The following CHST11 variants were observed in gnomAD, a reference collection of about 807,000 sequenced individuals.
CHST11 encodes the protein carbohydrate sulfotransferase 11, also known as C4S-1.
CHST11 carries 9 observed loss-of-function variants against 30.4 expected under a neutral mutation model. The observed-to-expected ratio is 0.30, with a 90% CI of 0.18 to 0.52. The LOEUF (loss-of-function observed/expected upper bound fraction) is 0.52, where lower values mean the gene tolerates loss of function less well. Among genes scored for constraint, CHST11 ranks in the 20% least tolerant of loss-of-function variants. The pLI, the probability that CHST11 is intolerant of heterozygous loss-of-function variation, is 0.97. For missense variants in CHST11, 348 were observed against 460.6 expected (o/e 0.76, Z 2.24); for synonymous variants, 152 against 187.8 (o/e 0.81, Z 1.56).
intron 2 of CHST11, among the ~76,000 whole-genome samples, chr12:104,720,997 G>A (rs1284591872): frequency 1.3e-5 from 2 of 152,124 alleles, no homozygotes; most frequent in Admixed American, 6.5e-5. Context: ...CTCCAGGGCC[G>A]GGGCTGGTCC....
intron 1 of CHST11, among the ~76,000 whole-genome samples, chr12:104,599,800 T>C (rs1371824054): frequency 6.6e-6 from 1 of 152,132 alleles, no homozygotes; most frequent in Non-Finnish European, 1.5e-5. Context: ...GTTGGCAAAC[T>C]CTAGCCCAAG....
At chr12:104,716,264 GCCC>G (rs2040130222) in intron 2 of CHST11, among the ~76,000 whole-genome samples, 1 of 152,128 alleles carries the variant, frequency 6.6e-6, no homozygotes, top group Non-Finnish European at 1.5e-5. Flanking sequence ...CTCTGGGATG[GCCC>G]CCATCCCTTG....
At chr12:104,520,403 G>T (rs930390251) in intron 1 of CHST11, among the ~76,000 whole-genome samples, 1 of 152,188 alleles carries the variant, frequency 6.6e-6, no homozygotes, top group Admixed American at 6.5e-5. Context: ...AGGAGCAGCA[G>T]TTGTTAGTGT....
intron 1 of CHST11, among the ~76,000 whole-genome samples, chr12:104,563,829 G>A (rs1210204685): frequency 6.6e-6 from 1 of 151,964 alleles, no homozygotes; most frequent in Admixed American, 6.6e-5. Context: ...GGTTCGGGAG[G>A]GGTTTGGAGT....
At chr12:104,527,546 C>T (rs12425395) in intron 1 of CHST11, among the ~76,000 whole-genome samples, 14 of 152,186 alleles carry the variant, frequency 9.2e-5, no homozygotes, top group African/African-American at 2.7e-4. Context: ...CCCTCCCCAC[C>T]GACGTGGATC....
At chr12:104,542,591 T>C (rs1052281045) in intron 1 of CHST11, among the ~76,000 whole-genome samples, 2 of 152,340 alleles carry the variant, frequency 1.3e-5, no homozygotes, top group Admixed American at 6.5e-5. Flanking sequence ...ATGAAACTGG[T>C]ATCAGTGATT....
chr12:104,634,489 G>T (rs574079061), intron 2 of CHST11, among the ~76,000 whole-genome samples: 1 of 152,344 alleles, frequency 6.6e-6, no homozygotes, highest in Admixed American at 6.5e-5. Context: ...TCCAGGGCCC[G>T]CAGGATGCTC....
chr12:104,716,920 A>G (rs1051592514), intron 2 of CHST11, among the ~76,000 whole-genome samples: 7 of 152,204 alleles, frequency 4.6e-5, no homozygotes, highest in African/African-American at 7.2e-5. Context: ...CTAAAATCAA[A>G]TCAAGGGGAT....
chr12:104,727,361 G>A (rs1012718128), intron 2 of CHST11, among the ~76,000 whole-genome samples: 1 of 152,158 alleles, frequency 6.6e-6, no homozygotes, highest in African/African-American at 2.4e-5. Context: ...GCAAGGCCAG[G>A]GAAGTTGGCC....
rs879131942 is a variant in CHST11 at position 104,757,814 on chromosome 12, G to T, written c.*11G>T. On this transcript the variant is annotated 3_prime_UTR_variant, in exon 3 of 3. Coordinates refer to ENST00000303694, the MANE Select transcript of CHST11 (RefSeq NM_018413.6). This position sits in a 1 kb window ranked among gnomAD's most constrained non-coding sequence, Gnocchi z 6.5. ...CTGAAATTGGAATAAAGGGGGTGGG[G>T]AGAGGGAGAGAATCATGCTTTTTAA... 1 of 1,599,890 alleles carries T rather than the reference G, an allele frequency of 6.3e-7. No homozygotes were observed. The highest frequency in any genetic ancestry group is 1.3e-5 in the African/African-American group (1 of 74,532).
intron 1 of CHST11, among the ~76,000 whole-genome samples, chr12:104,524,628 G>A (rs543311903): frequency 6.5e-4 from 98 of 151,160 alleles, no homozygotes; most frequent in Non-Finnish European, 1.3e-3. Context: ...TCATCCATCC[G>A]TCCGTCCATC....
At chr12:104,510,894 C>T (rs145637786) in intron 1 of CHST11, among the ~76,000 whole-genome samples, 11 of 151,926 alleles carry the variant, frequency 7.2e-5, no homozygotes, top group African/African-American at 2.7e-4. Flanking sequence ...GAGGAATGTA[C>T]TCATGAGAGC....
At chr12:104,715,234 T>A (rs942822456) in intron 2 of CHST11, among the ~76,000 whole-genome samples, 1 of 151,698 alleles carries the variant, frequency 6.6e-6, no homozygotes, top group Non-Finnish European at 1.5e-5. Context: ...ATTAGCTGGA[T>A]GTGGTGGTCG....
At chr12:104,658,899 G>A (rs2039571204) in intron 2 of CHST11, among the ~76,000 whole-genome samples, 1 of 152,258 alleles carries the variant, frequency 6.6e-6, no homozygotes, top group Admixed American at 6.5e-5. Flanking sequence ...GAGAGATTTA[G>A]TAACTTGCCC....
chr12:104,666,328 G>A (rs570674881), intron 2 of CHST11, among the ~76,000 whole-genome samples: 41 of 152,306 alleles, frequency 2.7e-4, no homozygotes, highest in Admixed American at 5.2e-4. Context: ...GGATGCAAGC[G>A]AGAATGGAGA....
chr12:104,630,578 G>A (rs960003738), intron 2 of CHST11, among the ~76,000 whole-genome samples: 10 of 152,176 alleles, frequency 6.6e-5, no homozygotes, highest in Non-Finnish European at 1.3e-4. Flanking sequence ...CAATGACTTG[G>A]TAAATTGGCC....
Position 104,761,502 on chromosome 12 carries a change from A to ACACACACACACACACACAC in CHST11, c.*3699_*3700insCACACACACACACACACAC, listed in dbSNP as rs2040526125. Reference sequence around the variant, plus strand: ...ACACACACACACACACACACACACAATCTCAGCTGCGCCATTCTGTGCAAT... The same window carrying ACACACACACACACACACAC: ...ACACACACACACACACACACACACAACACACACACACACACACACTCTCAGCTGCGCCATTCTGTGCAAT... On this transcript the variant is annotated 3_prime_UTR_variant, in exon 3 of 3. Coordinates refer to ENST00000303694, the MANE Select transcript of CHST11 (RefSeq NM_018413.6). 1.0e-5 allele frequency: 1 copy of ACACACACACACACACACAC among 96,200 alleles called. No individual in the cohort carries two copies. Among genetic ancestry groups the ACACACACACACACACACAC allele is most frequent in the African/African-American group, 6.6e-5 (1 of 15,092 alleles). 6.0% of individuals were successfully genotyped at this position (96,200 alleles called of 1,614,324 possible).
chr12:104,574,203 C>A (rs563270003), intron 1 of CHST11, among the ~76,000 whole-genome samples: 20 of 152,140 alleles, frequency 1.3e-4, no homozygotes, highest in South Asian at 1.0e-3. Context: ...TTAAAAAGTC[C>A]GGAAACAACA....
intron 1 of CHST11, among the ~76,000 whole-genome samples, chr12:104,518,202 G>A (rs558539996): frequency 6.6e-6 from 1 of 152,268 alleles, no homozygotes; most frequent in Non-Finnish European, 1.5e-5. Flanking sequence ...CGGGAGGATT[G>A]CTTGAGCCCA....
Sources: allele counts gnomAD v4.1 joint callset (sites outside exome capture counted in the v4.1 genomes callset), GRCh38; gene constraint gnomAD v4.1.1; non-coding constraint Gnocchi (gnomAD v3.1); transcripts MANE v1.5; gene names NCBI Gene and HGNC (gene_info 2026-07-23, HGNC 2026-07-21).